The following ANTXR2 variants were observed in gnomAD, a reference collection of about 807,000 sequenced individuals.
ANTXR2 encodes anthrax toxin receptor 2.
Under a neutral mutation model 73.7 loss-of-function variants are expected in ANTXR2, and 44 were observed. The ratio of observed to expected loss-of-function variants is 0.60; its 90% CI spans 0.47 to 0.77. ANTXR2 has a LOEUF of 0.77. Ranked by LOEUF, ANTXR2 falls within the 30% of genes least tolerant of loss-of-function variation. The pLI, the probability that ANTXR2 is intolerant of heterozygous loss-of-function variation, is 0.00. For missense variants in ANTXR2, 604 were observed against 592.5 expected, an observed-to-expected ratio of 1.02 and a Z score of -0.20; for synonymous variants, 217 against 205.9, an observed-to-expected ratio of 1.05 and a Z score of -0.46.
intron 3 of ANTXR2, among the ~76,000 whole-genome samples, chr4:80,067,818 A>G (rs1260381560): frequency 6.6e-6 from 1 of 152,152 alleles, no homozygotes; most frequent in East Asian, 1.9e-4. Context: ...GAACACAGGG[A>G]GGGGAACAAC....
chr4:80,011,642 T>C (rs1731590789), intron 11 of ANTXR2, among the ~76,000 whole-genome samples: 2 of 152,262 alleles, frequency 1.3e-5, no homozygotes, highest in African/African-American at 4.8e-5. Flanking sequence ...CATACTCTTC[T>C]TCATCTGACT....
chr4:80,005,250 A>G (rs1356170028), intron 12 of ANTXR2, among the ~76,000 whole-genome samples: 1 of 152,144 alleles, frequency 6.6e-6, no homozygotes, highest in African/African-American at 2.4e-5. Flanking sequence ...TGTGCCTGAG[A>G]ATAGACATTT....
chr4:79,966,872 A>C (rs1729386337), intron 16 of ANTXR2, among the ~76,000 whole-genome samples: 1 of 152,154 alleles, frequency 6.6e-6, no homozygotes. Context: ...CAATCAAGAT[A>C]TTTACTGTGC....
intron 3 of ANTXR2, among the ~76,000 whole-genome samples, chr4:80,057,516 T>C (rs1030885933): frequency 4.6e-4 from 70 of 151,952 alleles, no homozygotes; most frequent in African/African-American, 1.6e-3. Flanking sequence ...CAGAAGACAA[T>C]GTTCAAGGTA....
intron 16 of ANTXR2, among the ~76,000 whole-genome samples, chr4:79,930,830 G>A (rs909516984): frequency 1.3e-5 from 2 of 152,180 alleles, no homozygotes; most frequent in African/African-American, 4.8e-5. Context: ...TAAACGAGCT[G>A]AAACTTTTCA....
At chr4:79,934,331 C>A (rs1471099754) in intron 16 of ANTXR2, among the ~76,000 whole-genome samples, 2 of 152,110 alleles carry the variant, frequency 1.3e-5, no homozygotes, top group Admixed American at 1.3e-4. Context: ...GAGTTCAAGA[C>A]CAGCCTGGCC....
chr4:80,017,368 C>A (rs1032447751), intron 11 of ANTXR2, among the ~76,000 whole-genome samples: 1 of 152,172 alleles, frequency 6.6e-6, no homozygotes, highest in South Asian at 2.1e-4. Context: ...TTCCTTCTTA[C>A]GGAGAATCAT....
Position 79,993,750 on chromosome 4 carries a change from A to ACACACACGCGCGCGCGCG in ANTXR2, c.1042-8888_1042-8887insCGCGCGCGCGCGTGTGTG, listed in dbSNP as rs1256143887. On this transcript the variant is annotated intron_variant, in intron 12 of 16. Transcript: ENST00000403729. Reference sequence around the variant, plus strand: ...CCTAGAGTCTGGCAATACACCACACACACACACACGCACACACACACACAC... The same window carrying ACACACACGCGCGCGCGCG: ...CCTAGAGTCTGGCAATACACCACACACACACACGCGCGCGCGCGCACACACACGCACACACACACACAC... Among the ~76,000 whole-genome samples the ACACACACGCGCGCGCGCG allele has an allele frequency of 1.5e-4, 12 of 78,116 alleles. No individual in the cohort carries two copies. The East Asian group carries it at 6.4e-3, about 42-fold the overall frequency. The allele number at this position is 78,116 out of a possible 152,430, so 51.2% of individuals were successfully genotyped here. A position where few individuals can be genotyped will look rare whatever the true frequency, so the allele number is the denominator to read the frequency against.
At chr4:79,964,277 G>A (rs1729262183) in intron 16 of ANTXR2, among the ~76,000 whole-genome samples, 1 of 152,170 alleles carries the variant, frequency 6.6e-6, no homozygotes, top group Non-Finnish European at 1.5e-5. Flanking sequence ...TTCTTTCTTT[G>A]CCTTTCTGCT....
intron 16 of ANTXR2, among the ~76,000 whole-genome samples, chr4:79,958,996 A>G (rs1729040626): frequency 1.3e-5 from 2 of 152,078 alleles, no homozygotes; most frequent in East Asian, 3.8e-4. Context: ...ATCATTGAAA[A>G]TTTTTCTTAA....
intron 16 of ANTXR2, among the ~76,000 whole-genome samples, chr4:79,975,914 C>CTTTTTTTTT (rs528899255): frequency 7.4e-6 from 1 of 135,744 alleles, no homozygotes. Flanking sequence ...TCAAATTACA[C>CTTTTTTTTT]TTTTTTTTTT....
At chr4:80,023,144 T>G (rs987810268) in intron 10 of ANTXR2, among the ~76,000 whole-genome samples, 4 of 152,220 alleles carry the variant, frequency 2.6e-5, no homozygotes, top group African/African-American at 9.6e-5. Flanking sequence ...TTTAATTAAT[T>G]TCTATTCTGC....
chr4:80,054,234 A>G, intron 7 of ANTXR2, 38 bp downstream of exon 7: 1 of 1,471,742 alleles, frequency 6.8e-7, no homozygotes, highest in South Asian at 1.3e-5. Context: ...AAAATATACA[A>G]GGTTATGAGC....
chr4:79,991,274 A>G (rs990481595), intron 12 of ANTXR2, among the ~76,000 whole-genome samples: 1 of 151,900 alleles, frequency 6.6e-6, no homozygotes, highest in Non-Finnish European at 1.5e-5. Flanking sequence ...AACCTCATTT[A>G]AAAAAATGGG....
chr4:80,047,786 G>A (rs1733590018), intron 7 of ANTXR2, among the ~76,000 whole-genome samples: 1 of 151,690 alleles, frequency 6.6e-6, no homozygotes. Flanking sequence ...AAAACTTACT[G>A]AGAGAGAAGA....
In ANTXR2 at chr4:80,072,913, C is replaced by T. The variant is rs1187757737; in HGVS notation, c.-353G>A. On this transcript the variant is annotated 5_prime_UTR_variant, in exon 1 of 17. Coordinates refer to ENST00000403729, the MANE Select transcript of ANTXR2 (RefSeq NM_058172.6). ...GTTCCTCTCCGGCCTGGGGCCGAGC[C>T]TCCAGCGCCCGCCTCGGACCCGGAC... 1 of 239,378 alleles carries T rather than the reference C, an allele frequency of 4.2e-6. No individual in the cohort carries two copies. The highest frequency in any genetic ancestry group is 2.3e-5 in the African/African-American group (1 of 44,206). The allele number at this position is 239,378 out of a possible 1,614,324, so 14.8% of individuals were successfully genotyped here. A position where few individuals can be genotyped will look rare whatever the true frequency, so the allele number is the denominator to read the frequency against.
At chr4:79,985,791 A>G (rs1236502447) in intron 12 of ANTXR2, among the ~76,000 whole-genome samples, 1 of 149,808 alleles carries the variant, frequency 6.7e-6, no homozygotes, top group Non-Finnish European at 1.5e-5. Flanking sequence ...CTTAGCCAAG[A>G]CCCCTTTCCT....
chr4:79,980,941 A>AG (rs1729863171), intron 14 of ANTXR2, among the ~76,000 whole-genome samples: 1 of 126,848 alleles, frequency 7.9e-6, no homozygotes, highest in African/African-American at 2.6e-5. Flanking sequence ...AAAAAAAAAA[A>AG]AGAGAAGTAC....
At chr4:79,908,373 C>T (rs1727000926) in intron 16 of ANTXR2, among the ~76,000 whole-genome samples, 1 of 152,090 alleles carries the variant, frequency 6.6e-6, no homozygotes, top group Non-Finnish European at 1.5e-5. Flanking sequence ...TTATTTCCCT[C>T]TAAATGTAAG....
Sources: gnomAD v4.1 joint callset for allele counts (sites outside exome capture counted in the v4.1 genomes callset) on GRCh38, gnomAD v4.1.1 for gene constraint, MANE v1.5 for transcripts, NCBI Gene and HGNC (gene_info 2026-07-23, HGNC 2026-07-21) for gene names.